Variants in IL2RB observed in about 807,000 individuals in gnomAD.
IL2RB encodes the protein interleukin-2 receptor subunit beta.
Under a neutral mutation model 44.2 loss-of-function variants are expected in IL2RB, and 17 were observed. The observed-to-expected ratio is 0.38, with a 90% CI of 0.26 to 0.58. The LOEUF (loss-of-function observed/expected upper bound fraction) is 0.58. IL2RB is among the 20% of genes least tolerant of loss of function. The pLI is 0.63. For synonymous variants in IL2RB, 286 were observed against 297.9 expected (o/e 0.96, Z 0.41); for missense variants, 624 against 685.5 (o/e 0.91, Z 1.00).
chr22:37,147,164 T>C (rs529260303), intron 1 of IL2RB, among the ~76,000 whole-genome samples: 2 of 152,326 alleles, frequency 1.3e-5, no homozygotes, highest in South Asian at 4.1e-4. Context: ...GACAGGTTAC[T>C]GTAAGCCAGG....
intron 1 of IL2RB, among the ~76,000 whole-genome samples, chr22:37,148,172 G>A (rs559799392): frequency 3.3e-5 from 5 of 152,088 alleles, no homozygotes; most frequent in South Asian, 2.1e-4. Context: ...TCTGCTTCCC[G>A]CCGCCTGGAG....
At chr22:37,156,203 G>A (rs1466266519) in intron 1 of IL2RB, among the ~76,000 whole-genome samples, 1 of 152,114 alleles carries the variant, frequency 6.6e-6, no homozygotes, top group African/African-American at 2.4e-5. Context: ...CCACACCCAG[G>A]CCTGCACTTG....
chr22:37,153,940 C>T (rs1922583426), upstream of IL2RB, among the ~76,000 whole-genome samples: 1 of 152,232 alleles, frequency 6.6e-6, no homozygotes, highest in African/African-American at 2.4e-5. Flanking sequence ...GTCTGCCTGG[C>T]ACATACTGCC....
At chr22:37,152,364 C>A (rs1050889837), upstream of IL2RB, among the ~76,000 whole-genome samples, 6 of 151,858 alleles carry the variant, frequency 4.0e-5, no homozygotes, top group African/African-American at 1.5e-4. Flanking sequence ...ATTTCTTTTT[C>A]AGATTGTTTG....
At chr22:37,129,841 G>A (rs930344314) in intron 9 of IL2RB, among the ~76,000 whole-genome samples, 2 of 152,204 alleles carry the variant, frequency 1.3e-5, no homozygotes, top group Non-Finnish European at 2.9e-5. Context: ...CCTCTGTCCT[G>A]GGAACCCTCA....
chr22:37,149,003 A>G (rs1922361092), intron 1 of IL2RB, among the ~76,000 whole-genome samples: 1 of 152,012 alleles, frequency 6.6e-6, no homozygotes, highest in Admixed American at 6.5e-5. Flanking sequence ...TTGCTATTTA[A>G]CTTCAGGGGC....
At chr22:37,136,424 C>T in intron 6 of IL2RB, 31 bp from the exon 7 acceptor site, 1 of 1,586,202 alleles carries the variant, frequency 6.3e-7, no homozygotes, top group Non-Finnish European at 8.6e-7. Context: ...TCAGCGCCCA[C>T]CTCACCTCCC....
At chr22:37,138,039 C>A (rs1373653064) in intron 5 of IL2RB, among the ~76,000 whole-genome samples, 2 of 152,204 alleles carry the variant, frequency 1.3e-5, no homozygotes, top group African/African-American at 4.8e-5. Context: ...TCTCCCCCAG[C>A]AGACTGTGAG....
At chr22:37,137,474 A>G (rs1921763676) in intron 6 of IL2RB, 113 bp downstream of exon 6, 1 of 1,123,748 alleles carries the variant, frequency 8.9e-7, no homozygotes, top group Admixed American at 1.9e-5. Context: ...GGACTCAGCC[A>G]CCCACCATCC....
intron 1 of IL2RB, among the ~76,000 whole-genome samples, chr22:37,162,900 C>T (rs76593682): frequency 0.012 from 1,775 of 152,316 alleles, 30 homozygotes; most frequent in African/African-American, 0.037. Flanking sequence ...CACCCACACC[C>T]CAGCACCAGA....
intron 1 of IL2RB, among the ~76,000 whole-genome samples, chr22:37,148,663 G>A (rs1488480455): frequency 4.6e-5 from 7 of 152,106 alleles, no homozygotes; most frequent in East Asian, 1.9e-4. Flanking sequence ...CTGAGCGCTC[G>A]GGGGTAGTTC....
At chr22:37,133,531 C>T (rs986870856) in intron 8 of IL2RB, among the ~76,000 whole-genome samples, 13 of 152,188 alleles carry the variant, frequency 8.5e-5, no homozygotes, top group Non-Finnish European at 1.6e-4. Flanking sequence ...TGGGGAAAGT[C>T]GAGTGAGGTG....
intron 1 of IL2RB, among the ~76,000 whole-genome samples, chr22:37,160,679 C>CAAA (rs10605445): frequency 1.5e-5 from 2 of 136,006 alleles, no homozygotes; most frequent in African/African-American, 5.8e-5. Flanking sequence ...CTGTCTATGC[C>CAAA]AAAAAAAAAA....
intron 1 of IL2RB, among the ~76,000 whole-genome samples, chr22:37,172,215 TAAAAA>T (rs63579164): frequency 9.6e-5 from 10 of 104,512 alleles, no homozygotes; most frequent in Non-Finnish European, 1.1e-4. Context: ...AAAGGTAAAG[TAAAAA>T]AAAAAAAAAA....
chr22:37,165,148 G>A (rs1402215620), intron 1 of IL2RB, among the ~76,000 whole-genome samples: 19 of 152,196 alleles, frequency 1.2e-4, no homozygotes. Flanking sequence ...TAAATAACTC[G>A]CCCAGGGCCG....
Position 37,126,748 on chromosome 22 carries a change from G to C in IL2RB, c.*1348C>G, listed in dbSNP as rs1921132399. The C allele has an allele frequency of 6.6e-6, 1 of 152,274 alleles. No homozygotes were observed. Among genetic ancestry groups the C allele is most frequent in the Non-Finnish European group, 1.5e-5 (1 of 68,126 alleles). 9.4% of individuals were successfully genotyped at this position (152,274 alleles called of 1,614,324 possible). ...AATGTTGTTTGAGCCATTGCAACGTGATCTGCCTAGGAAAGATACGTGGAG... is the reference window on the plus strand; with the variant it reads ...AATGTTGTTTGAGCCATTGCAACGTCATCTGCCTAGGAAAGATACGTGGAG... On this transcript the variant is annotated 3_prime_UTR_variant, in exon 10 of 10. Transcript: ENST00000216223.
chr22:37,149,813 G>A lies in IL2RB; in HGVS notation c.-34+12C>T. On this transcript the variant is annotated intron_variant, in intron 1 of 9. Coordinates refer to ENST00000216223, the MANE Select transcript of IL2RB (RefSeq NM_000878.5). ...GTCCACAGGGGCCGGGAGGGAGGCAGGGGGACATCACCTGGCTGAGACATG... is the reference window on the plus strand; with the variant it reads ...GTCCACAGGGGCCGGGAGGGAGGCAAGGGGACATCACCTGGCTGAGACATG... 2 of 983,308 alleles carry A rather than the reference G, an allele frequency of 2.0e-6. No homozygotes were observed. The highest frequency in any genetic ancestry group is 2.4e-6 in the Non-Finnish European group (2 of 827,990). 60.9% of individuals were successfully genotyped at this position (983,308 alleles called of 1,614,324 possible).
intron 1 of IL2RB, among the ~76,000 whole-genome samples, chr22:37,170,129 G>A (rs1053756377): frequency 1.7e-4 from 26 of 151,862 alleles, no homozygotes; most frequent in African/African-American, 6.3e-4. Flanking sequence ...TGGATGGATG[G>A]ATGAAGGGAT....
chr22:37,135,232 GTA>G, intron 8 of IL2RB, 94 bp downstream of exon 8: 5 of 791,068 alleles, frequency 6.3e-6, no homozygotes, highest in Non-Finnish European at 8.9e-6. Context: ...GTGTGTGTGT[GTA>G]TGTGTGCTTG....
Sources: allele counts gnomAD v4.1 joint callset (sites outside exome capture counted in the v4.1 genomes callset), GRCh38; gene constraint gnomAD v4.1.1; transcripts MANE v1.5; gene names NCBI Gene and HGNC (gene_info 2026-07-23, HGNC 2026-07-21).